Variants in MMP26 observed in about 807,000 individuals in gnomAD.
The protein encoded by MMP26 is matrix metalloproteinase-26.
Under a neutral mutation model 31.0 loss-of-function variants are expected in MMP26, and 33 were observed. That is an observed-to-expected ratio of 1.06 (90% CI 0.81 to 1.42). The LOEUF (loss-of-function observed/expected upper bound fraction) is 1.42. Among genes scored for constraint, MMP26 ranks in the 40% most tolerant of loss-of-function variants. The pLI is 0.00. For synonymous variants in MMP26, 122 were observed against 114.9 expected (o/e 1.06, Z -0.40); for missense variants, 347 against 316.1 (o/e 1.10, Z -0.74).
intron 1 of MMP26, among the ~76,000 whole-genome samples, chr11:4,746,003 C>G (rs1386556317): frequency 2.6e-5 from 4 of 152,158 alleles, no homozygotes; most frequent in Non-Finnish European, 5.9e-5. Context: ...TTAACAAGAT[C>G]CTCAAGCAAT....
At chr11:4,739,915 A>G (rs990911016) in intron 1 of MMP26, among the ~76,000 whole-genome samples, 3 of 152,176 alleles carry the variant, frequency 2.0e-5, no homozygotes, top group Non-Finnish European at 2.9e-5. Flanking sequence ...ATTCAATGTA[A>G]TTGCAGTTAA....
In MMP26 at chr11:4,722,660, C is replaced by T; in HGVS notation, c.-217+17615C>T. The stretch of plus-strand genomic sequence containing the variant: ...GTGGGTCCCCTGTTCCCTGTGCTAC[C>T]CTGCACAGTGGCCTCCCTCCTGTGC... On this transcript the variant is annotated intron_variant, in intron 1 of 7. Coordinates refer to ENST00000380390, the MANE Select transcript of MMP26 (RefSeq NM_021801.5). 6 of 686,344 alleles carry T rather than the reference C, an allele frequency of 8.7e-6. No homozygotes were observed. In the East Asian group the frequency reaches 1.3e-4, roughly 14 times the overall value. 42.5% of individuals were successfully genotyped at this position (686,344 alleles called of 1,614,324 possible).
At chr11:4,732,923 G>A (rs1848193800) in intron 1 of MMP26, among the ~76,000 whole-genome samples, 1 of 152,170 alleles carries the variant, frequency 6.6e-6, no homozygotes, top group South Asian at 2.1e-4. Context: ...TTTCTTCATT[G>A]AGCTGTCTTG....
intron 2 of MMP26, among the ~76,000 whole-genome samples, chr11:4,982,424 T>G (rs897836334): frequency 1.3e-5 from 2 of 152,190 alleles, no homozygotes; most frequent in Admixed American, 6.5e-5. Flanking sequence ...ATAACACTGT[T>G]ATGTGGCACA....
intron 2 of MMP26, chr11:4,859,535 C>A: frequency 2.7e-6 from 1 of 367,160 alleles, no homozygotes. Context: ...TTTGATGCAC[C>A]ATAACTGTGG....
At chr11:4,730,938 A>ATTAT (rs1554928026) in intron 1 of MMP26, among the ~76,000 whole-genome samples, 16 of 151,840 alleles carry the variant, frequency 1.1e-4, no homozygotes, top group South Asian at 2.1e-4. Flanking sequence ...TTTATTATTT[A>ATTAT]TTATTTATTT....
In MMP26 at chr11:4,992,379, C is replaced by T; in HGVS notation, c.*137C>T. ...ATGCAACCTAGTCAGGTTAGCTGAA[C>T]CGACACTCAAAACGCTACTGAGTCA... On this transcript the variant is annotated 3_prime_UTR_variant, in exon 8 of 8. Transcript: ENST00000380390. 1.3e-6 allele frequency: 1 copy of T among 754,284 alleles called. No individual in the cohort carries two copies. The highest frequency in any genetic ancestry group is 2.2e-6 in the Non-Finnish European group (1 of 460,826). 46.7% of individuals were successfully genotyped at this position (754,284 alleles called of 1,614,324 possible).
In MMP26 at chr11:4,723,765, C is replaced by T. The variant is rs147173014; in HGVS notation, c.-217+18720C>T. ...TGATGTAGCTCTCGAACATGTTGTC[C>T]ATGTTGCTCCGAGCTGTCTTCTGCT... On this transcript the variant is annotated intron_variant, in intron 1 of 7. Transcript: ENST00000380390. The T allele has an allele frequency of 2.8e-3, 4,181 of 1,487,318 alleles. 124 individuals are homozygous for T. In the African/African-American group the frequency reaches 0.05, roughly 18 times the overall value. The allele number at this position is 1,487,318 out of a possible 1,614,324, so 92.1% of individuals were successfully genotyped here.
intron 2 of MMP26, among the ~76,000 whole-genome samples, chr11:4,858,186 C>T (rs1262414838): frequency 3.9e-5 from 6 of 152,144 alleles, no homozygotes; most frequent in Admixed American, 3.3e-4. Flanking sequence ...TGCCCTCTCA[C>T]ACCACTCCTA....
At chr11:4,764,645 T>A (rs1589893473) in intron 1 of MMP26, among the ~76,000 whole-genome samples, 1 of 151,960 alleles carries the variant, frequency 6.6e-6, no homozygotes, top group Admixed American at 6.6e-5. Flanking sequence ...CCGAGGCGGG[T>A]GGATCACGAG....
intron 1 of MMP26, among the ~76,000 whole-genome samples, chr11:4,761,486 A>T (rs925991183): frequency 6.6e-6 from 1 of 151,532 alleles, no homozygotes; most frequent in African/African-American, 2.4e-5. Flanking sequence ...CCTCTGTGGG[A>T]TTTTTGCACC....
intron 2 of MMP26, among the ~76,000 whole-genome samples, chr11:4,899,298 C>T (rs1337562862): frequency 6.6e-6 from 1 of 152,144 alleles, no homozygotes; most frequent in Non-Finnish European, 1.5e-5. Context: ...TAGCTCTTCT[C>T]ATGTTTGTGT....
intron 2 of MMP26, among the ~76,000 whole-genome samples, chr11:4,779,191 A>G (rs1200849541): frequency 6.6e-6 from 1 of 152,116 alleles, no homozygotes; most frequent in Non-Finnish European, 1.5e-5. Context: ...GACCAAATGC[A>G]TAGGGAATAC....
chr11:4,768,927 C>A, intron 2 of MMP26: 1 of 1,276,034 alleles, frequency 7.8e-7, no homozygotes, highest in Admixed American at 2.5e-5. Context: ...GTTCGCTTTT[C>A]TACAGTGCAA....
intron 2 of MMP26, among the ~76,000 whole-genome samples, chr11:4,831,112 C>A (rs756844851): frequency 3.9e-5 from 6 of 152,164 alleles, no homozygotes; most frequent in Non-Finnish European, 2.9e-5. Flanking sequence ...CCCTTTCCTT[C>A]ACTACTTTCT....
chr11:4,849,275 C>A (rs560356233), intron 2 of MMP26: 208 of 1,519,038 alleles, frequency 1.4e-4, no homozygotes, highest in Non-Finnish European at 1.7e-4. Context: ...TAATCGCGTG[C>A]CAAATTTGCA....
rs145578904 is a variant in MMP26 at position 4,816,421 on chromosome 11, T to A, written c.-145+49080T>A. On this transcript the variant is annotated intron_variant, in intron 2 of 7. Transcript: ENST00000380390. ...CCAAGGTTTCTTTATTGGTTTTCTG[T>A]CTGGGTGATTTGTTCATTGCTGAAA... 7.7e-3 allele frequency among the ~76,000 whole-genome samples: 1,166 copies of A among 152,266 alleles called. 58 individuals are homozygous for A. Among genetic ancestry groups the A allele is most frequent in the Admixed American group, 0.067 (1,031 of 15,282 alleles).
intron 2 of MMP26, among the ~76,000 whole-genome samples, chr11:4,869,643 T>C (rs1302836056): frequency 6.6e-6 from 1 of 152,180 alleles, no homozygotes; most frequent in Non-Finnish European, 1.5e-5. Flanking sequence ...GTTCAACCAC[T>C]GTGGAAGACA....
At chr11:4,969,321 G>C (rs566728941) in intron 2 of MMP26, among the ~76,000 whole-genome samples, 1 of 151,918 alleles carries the variant, frequency 6.6e-6, no homozygotes, top group Non-Finnish European at 1.5e-5. Context: ...TTAAACTTAT[G>C]CTTAGTAATG....
Sources: allele counts gnomAD v4.1 joint callset (sites outside exome capture counted in the v4.1 genomes callset), GRCh38; gene constraint gnomAD v4.1.1; transcripts MANE v1.5; gene names NCBI Gene and HGNC (gene_info 2026-07-23, HGNC 2026-07-21).